Variants in ST8SIA5 observed in about 807,000 individuals in gnomAD.
The protein encoded by ST8SIA5 is alpha-2,8-sialyltransferase 8E.
Under a neutral mutation model 40.2 loss-of-function variants are expected in ST8SIA5, and 24 were observed. The observed-to-expected ratio is 0.60, with a 90% CI of 0.43 to 0.84. The LOEUF is 0.84. Among genes scored for constraint, ST8SIA5 ranks in the 40% least tolerant of loss-of-function variants. ST8SIA5 has a pLI of 0.00. For missense variants in ST8SIA5, 465 were observed against 498.5 expected (o/e 0.93, Z 0.64); for synonymous variants, 198 against 201.8 (o/e 0.98, Z 0.16).
At position 46,692,265 on chromosome 18, in the gene ST8SIA5, A is replaced by G; in HGVS notation, c.225-10T>C. ...CTCTGACTGCTTCACCCTTGGGAGT[A>G]GAGGACAGAAGAGTACATGAGCAGG... On this transcript the variant is annotated splice_polypyrimidine_tract_variant and intron_variant, in intron 2 of 6. Transcript: ENST00000315087. 1 of 1,613,584 alleles carries G rather than the reference A, an allele frequency of 6.2e-7. No individual in the cohort carries two copies. Among genetic ancestry groups the G allele is most frequent in the African/African-American group, 1.3e-5 (1 of 75,038 alleles).
chr18:46,742,905 C>T (rs186073962), intron 1 of ST8SIA5, among the ~76,000 whole-genome samples: 1 of 152,186 alleles, frequency 6.6e-6, no homozygotes, highest in African/African-American at 2.4e-5. Flanking sequence ...CTGCAGCCTC[C>T]GCTGGTGATA....
chr18:46,689,352 A>G (rs945510055), intron 3 of ST8SIA5, among the ~76,000 whole-genome samples: 9 of 152,124 alleles, frequency 5.9e-5, no homozygotes, highest in African/African-American at 1.9e-4. Context: ...GGAGCTTTCC[A>G]AAGAGCTCCC....
In ST8SIA5 at chr18:46,688,845, T is replaced by C. The variant is rs774198573; in HGVS notation, c.386A>G (p.Lys129Arg). The C allele has an allele frequency of 6.2e-7, 1 of 1,613,862 alleles. No homozygotes were observed. Among genetic ancestry groups the C allele is most frequent in the Non-Finnish European group, 8.5e-7 (1 of 1,179,914 alleles). ...TTQKNTPLGT[K>R]LKYEVDTSGI... ...ACTGGTGTCCACCTCATACTTGAGC[T>C]TTGTCCCCAGGGGAGTGTTCTTCTG... is the stretch of plus-strand genomic sequence containing the variant. The change falls in exon 4 of 7, where the codon AAG becomes AGG. Residue 129 changes from lysine (K) to arginine (R), a missense_variant. Physicochemically the swap from Lys to Arg is conservative, Grantham distance 26 (BLOSUM62 2). Transcript: ENST00000315087.
In ST8SIA5 at chr18:46,673,391, C is replaced by G. The variant is rs2039320671; in HGVS notation, c.*6651G>C. 6.6e-6 allele frequency: 1 copy of G among 152,042 alleles called. No individual in the cohort carries two copies. Among genetic ancestry groups the G allele is most frequent in the Non-Finnish European group, 1.5e-5 (1 of 68,004 alleles). 9.4% of individuals were successfully genotyped at this position (152,042 alleles called of 1,614,324 possible). A position where few individuals can be genotyped will look rare whatever the true frequency, so the allele number is the denominator to read the frequency against. On this transcript the variant is annotated 3_prime_UTR_variant, in exon 7 of 7. Coordinates refer to ENST00000315087, the MANE Select transcript of ST8SIA5 (RefSeq NM_013305.6). ...GAAAAGGCAGAAGTTGGGTTGTGTG[C>G]CAAATTCTTCTTTTCATTCTTTTCC...
At chr18:46,746,428 C>A (rs557652751) in intron 1 of ST8SIA5, among the ~76,000 whole-genome samples, 135 of 152,236 alleles carry the variant, frequency 8.9e-4, no homozygotes, top group Middle Eastern at 3.4e-3. Context: ...AAATAACAGA[C>A]AAACAGAGAG....
chr18:46,691,914 G>A (rs936411766), intron 3 of ST8SIA5: 6 of 508,904 alleles, frequency 1.2e-5, no homozygotes, highest in African/African-American at 5.8e-5. Flanking sequence ...TACTGGAGAT[G>A]GCACCACCAA....
At chr18:46,700,431 C>T (rs2039601070) in intron 2 of ST8SIA5, among the ~76,000 whole-genome samples, 1 of 152,206 alleles carries the variant, frequency 6.6e-6, no homozygotes, top group Non-Finnish European at 1.5e-5. Flanking sequence ...GAGTCCTCCT[C>T]ATGGCACTGG....
intron 2 of ST8SIA5, among the ~76,000 whole-genome samples, chr18:46,703,312 A>AT (rs1347109469): frequency 2.0e-5 from 3 of 151,784 alleles, no homozygotes; most frequent in African/African-American, 7.3e-5. Context: ...CGCCTGGCTA[A>AT]TTTTTTGTGT....
In ST8SIA5 at chr18:46,679,964, GGTTCGGGGCTCCCA is replaced by G; in HGVS notation, c.*64_*77del. The G allele has an allele frequency of 7.1e-7, 1 of 1,411,728 alleles. No individual in the cohort carries two copies. Among genetic ancestry groups the G allele is most frequent in the South Asian group, 1.4e-5 (1 of 73,928 alleles). The allele number at this position is 1,411,728 out of a possible 1,614,324, so 87.5% of individuals were successfully genotyped here. A position where few individuals can be genotyped will look rare whatever the true frequency, so the allele number is the denominator to read the frequency against. On this transcript the variant is annotated 3_prime_UTR_variant, in exon 7 of 7. Transcript: ENST00000315087. ...TGAACGCCAGGACCCCACGCTGCCC[GGTTCGGGGCTCCCA>G]GTTCCACCAGGAGGGACAGCAGGAG...
rs535000469 is a variant in ST8SIA5 at position 46,712,434 on chromosome 18, C to A, written c.132-7770G>T. On this transcript the variant is annotated intron_variant, in intron 1 of 6. Transcript: ENST00000315087. ...AGGGAAAGGATTCGGTCTTCTCCCC[C>A]CTGGGGGAGTCTCTCTGTCTGGAAT... Among the ~76,000 whole-genome samples, 198 of 152,312 alleles carry A rather than the reference C, an allele frequency of 1.3e-3. 1 individual carries two copies. The highest frequency in any genetic ancestry group is 4.3e-3 in the African/African-American group (177 of 41,578).
In ST8SIA5 at chr18:46,723,884, C is replaced by A. The variant is rs1343391698; in HGVS notation, c.132-19220G>T. On this transcript the variant is annotated intron_variant, in intron 1 of 6. Transcript: ENST00000315087. ...AAGGTTGCAGTGAGCTGAGATCGTG[C>A]CATTGCACTCCAGCCTGGGTGACAA... Among the ~76,000 whole-genome samples, 3 of 151,930 alleles carry A rather than the reference C, an allele frequency of 2.0e-5. No individual in the cohort carries two copies. In the South Asian group the frequency reaches 6.2e-4, roughly 31 times the overall value.
In ST8SIA5 at chr18:46,667,882, A is replaced by AGATACAAAGTACCCT. The variant is rs1250905080; in HGVS notation, c.*12145_*12159dup. On this transcript the variant is annotated 3_prime_UTR_variant, in exon 7 of 7. Coordinates refer to ENST00000315087, the MANE Select transcript of ST8SIA5 (RefSeq NM_013305.6). ...TTGAGGGCCGTTCAAACACAGTGAC[A>AGATACAAAGTACCCT]GATACAAAGTACCCTGATGATGTTT... is the stretch of plus-strand genomic sequence containing the variant. The AGATACAAAGTACCCT allele has an allele frequency of 1.3e-5, 2 of 152,258 alleles. No individual in the cohort carries two copies. Among genetic ancestry groups the AGATACAAAGTACCCT allele is most frequent in the African/African-American group, 4.8e-5 (2 of 41,472 alleles). 9.4% of individuals were successfully genotyped at this position (152,258 alleles called of 1,614,324 possible). A position where few individuals can be genotyped will look rare whatever the true frequency, so the allele number is the denominator to read the frequency against.
At chr18:46,713,031 G>C (rs1427581960) in intron 1 of ST8SIA5, among the ~76,000 whole-genome samples, 2 of 152,208 alleles carry the variant, frequency 1.3e-5, no homozygotes, top group Non-Finnish European at 2.9e-5. Context: ...GGGTTGTGGA[G>C]GTCAGAGAGG....
At chr18:46,753,913 A>C (rs189782533) in intron 1 of ST8SIA5, among the ~76,000 whole-genome samples, 23 of 152,044 alleles carry the variant, frequency 1.5e-4, no homozygotes, top group Non-Finnish European at 4.4e-5. Flanking sequence ...AGGTTAGTAG[A>C]TCTCACCCGA....
At chr18:46,704,796 T>G in intron 1 of ST8SIA5, 132 bp from the exon 2 acceptor site, 2 of 754,224 alleles carry the variant, frequency 2.7e-6, no homozygotes, top group Non-Finnish European at 4.5e-6. Flanking sequence ...TCCCAGCAGA[T>G]GTCCCATTAG....
In ST8SIA5 at chr18:46,756,555, A is replaced by G; in HGVS notation, c.-47T>C. 6.2e-7 allele frequency: 1 copy of G among 1,602,332 alleles called. No individual in the cohort carries two copies. The highest frequency in any genetic ancestry group is 8.5e-7 in the Non-Finnish European group (1 of 1,173,894). On this transcript the variant is annotated 5_prime_UTR_variant, in exon 1 of 7. Transcript: ENST00000315087. ...GCGCGGGGTACGGGGCGGCCAGGCA[A>G]TGACTCGCGGGGTTCCGGGGCCCCG...
chr18:46,687,892 T>G (rs1396831270), intron 4 of ST8SIA5, among the ~76,000 whole-genome samples: 1 of 152,160 alleles, frequency 6.6e-6, no homozygotes, highest in Non-Finnish European at 1.5e-5. Flanking sequence ...CATGCAACCT[T>G]CCTCCTCTTC....
rs1451653345 is a variant in ST8SIA5 at position 46,677,518 on chromosome 18, C to A, written c.*2524G>T. The A allele has an allele frequency of 6.6e-6, 1 of 152,234 alleles. No individual in the cohort carries two copies. Among genetic ancestry groups the A allele is most frequent in the Non-Finnish European group, 1.5e-5 (1 of 68,044 alleles). 9.4% of individuals were successfully genotyped at this position (152,234 alleles called of 1,614,324 possible). A position where few individuals can be genotyped will look rare whatever the true frequency, so the allele number is the denominator to read the frequency against. On this transcript the variant is annotated 3_prime_UTR_variant, in exon 7 of 7. Coordinates refer to ENST00000315087, the MANE Select transcript of ST8SIA5 (RefSeq NM_013305.6). The stretch of plus-strand genomic sequence containing the variant: ...ATATTAATTATGGTTTAGATCCATT[C>A]ATCATGAATGTCCCCCCAAAATAAG...
At position 46,754,897 on chromosome 18, in the gene ST8SIA5, C is replaced by T. The variant is rs1273765864; in HGVS notation, c.131+1481G>A. 2.6e-5 allele frequency among the ~76,000 whole-genome samples: 4 copies of T among 152,206 alleles called. No individual in the cohort carries two copies. The East Asian group carries it at 7.7e-4, about 29-fold the overall frequency. On this transcript the variant is annotated intron_variant, in intron 1 of 6. Coordinates refer to ENST00000315087, the MANE Select transcript of ST8SIA5 (RefSeq NM_013305.6). ...GCAGCAGGCAATCGGCCTGCAGGGC[C>T]GCAGCAAGCTGTGGGGGACCCAGCT... is the stretch of plus-strand genomic sequence containing the variant.
Sources: gnomAD v4.1 joint callset for allele counts (sites outside exome capture counted in the v4.1 genomes callset) on GRCh38, gnomAD v4.1.1 for gene constraint, MANE v1.5 for transcripts, NCBI Gene and HGNC (gene_info 2026-07-23, HGNC 2026-07-21) for gene names.